The following PDE3A variants were observed in gnomAD, a reference collection of about 807,000 sequenced individuals.
The protein encoded by PDE3A is phosphodiesterase 3A.
PDE3A carries 43 observed loss-of-function variants against 98.3 expected under a neutral mutation model. The observed-to-expected ratio is 0.44, with a 90% CI of 0.34 to 0.56. The LOEUF (loss-of-function observed/expected upper bound fraction) is 0.56. Ranked by LOEUF, PDE3A falls within the 20% of genes least tolerant of loss-of-function variation. The probability of loss-of-function intolerance (pLI) is 0.01; values close to 1 mark genes in which losing one functional copy is unlikely to be tolerated. For synonymous variants in PDE3A, 663 were observed against 567.9 expected (o/e 1.17, Z -2.38); for missense variants, 1,427 against 1,440.7 (o/e 0.99, Z 0.15).
intron 1 of PDE3A, among the ~76,000 whole-genome samples, chr12:20,500,917 G>T (rs759625768): frequency 2.0e-5 from 3 of 151,872 alleles, no homozygotes; most frequent in Non-Finnish European, 4.4e-5. Flanking sequence ...ACAAGTGTGC[G>T]CTACTATGCC....
At chr12:20,650,015 T>G (rs1462786150) in intron 13 of PDE3A, among the ~76,000 whole-genome samples, 3 of 152,188 alleles carry the variant, frequency 2.0e-5, no homozygotes, top group Admixed American at 6.5e-5. Context: ...TTTAAAATTT[T>G]CATTTTTGTA....
chr12:20,566,175 T>C (rs1381083571), intron 2 of PDE3A, among the ~76,000 whole-genome samples: 1 of 152,006 alleles, frequency 6.6e-6, no homozygotes, highest in Non-Finnish European at 1.5e-5. Flanking sequence ...ATTTTCTAGA[T>C]CACAGAACTT....
chr12:20,481,162 G>A (rs538334758), intron 1 of PDE3A, among the ~76,000 whole-genome samples: 66 of 152,296 alleles, frequency 4.3e-4, no homozygotes, highest in African/African-American at 1.5e-3. Context: ...AGTAGATACA[G>A]CATATATGTT....
chr12:20,524,997 T>C (rs1205699146), intron 1 of PDE3A, among the ~76,000 whole-genome samples: 1 of 152,086 alleles, frequency 6.6e-6, no homozygotes, highest in Non-Finnish European at 1.5e-5. Context: ...CCAGACATGG[T>C]GGTGCATGCC....
intron 1 of PDE3A, among the ~76,000 whole-genome samples, chr12:20,490,373 G>T (rs927437708): frequency 3.3e-5 from 5 of 152,104 alleles, no homozygotes; most frequent in Non-Finnish European, 7.3e-5. Flanking sequence ...GTCTAGTGAT[G>T]AGGCAAAATT....
At chr12:20,616,168 T>C (rs1010122736) in intron 3 of PDE3A, 62 bp from the exon 4 acceptor site, 14 of 1,433,552 alleles carry the variant, frequency 9.8e-6, no homozygotes, top group African/African-American at 1.4e-5. Context: ...CCTTCTATTA[T>C]ATTACATAAA....
intron 1 of PDE3A, among the ~76,000 whole-genome samples, chr12:20,551,241 C>A (rs1942189063): frequency 6.6e-6 from 1 of 151,788 alleles, no homozygotes; most frequent in African/African-American, 2.4e-5. Context: ...CAGTTTTTTA[C>A]TAGGGTTGGG....
At chr12:20,581,929 A>G (rs563977540) in intron 2 of PDE3A, among the ~76,000 whole-genome samples, 16 of 152,286 alleles carry the variant, frequency 1.1e-4, no homozygotes, top group African/African-American at 3.8e-4. Context: ...GAACACCAGA[A>G]TTATAAAATT....
At position 20,376,329 on chromosome 12, in the gene PDE3A, C is replaced by T. The variant is rs137934675; in HGVS notation, c.960+6085C>T. 7.6e-3 allele frequency among the ~76,000 whole-genome samples: 1,156 copies of T among 151,960 alleles called. 5 individuals are homozygous for T. The highest frequency in any genetic ancestry group is 0.024 in the Middle Eastern group (7 of 294). On this transcript the variant is annotated intron_variant, in intron 1 of 15. Transcript: ENST00000359062. The stretch of plus-strand genomic sequence containing the variant: ...TTTGTCCATTTCCTCTTTGACTTGA[C>T]TGTGCTACTGAGGAAACAGTAGGAA...
At chr12:20,431,794 C>G (rs1944703312) in intron 1 of PDE3A, among the ~76,000 whole-genome samples, 1 of 151,994 alleles carries the variant, frequency 6.6e-6, no homozygotes, top group Admixed American at 6.6e-5. Context: ...TAACTATGCG[C>G]CTTATCTCAA....
At chr12:20,580,485 A>G (rs1943037484) in intron 2 of PDE3A, among the ~76,000 whole-genome samples, 1 of 152,198 alleles carries the variant, frequency 6.6e-6, no homozygotes, top group Non-Finnish European at 1.5e-5. Flanking sequence ...TTGGGGTGGA[A>G]GAGAAGAAAA....
In PDE3A at chr12:20,637,106, C is replaced by G. The variant is rs1183209014; in HGVS notation, c.2008C>G (p.Pro670Ala). 6.2e-7 allele frequency: 1 copy of G among 1,604,966 alleles called. No individual in the cohort carries two copies. The highest frequency in any genetic ancestry group is 2.3e-5 in the East Asian group (1 of 44,426). ...TTAATGTTAAACATTACAGGACAAACCAATTCTTGCTCCCGAACCTCTTGT... is the reference window on the plus strand; with the variant it reads ...TTAATGTTAAACATTACAGGACAAAGCAATTCTTGCTCCCGAACCTCTTGT... ...APETMMFLDK[P>A]ILAPEPLVMD... is the part of the protein sequence containing the mutation. Residue 670 changes from proline (P) to alanine (A), a missense_variant, in exon 9 of 16, where the codon CCA becomes GCA. Around this residue, in one of 3 missense-constraint regions of PDE3A, gnomAD observed 1,012 missense variants for 886.5 expected, o/e 1.14. Transcript: ENST00000359062.
intron 2 of PDE3A, among the ~76,000 whole-genome samples, chr12:20,568,804 A>G (rs954285564): frequency 6.6e-6 from 1 of 151,986 alleles, no homozygotes; most frequent in African/African-American, 2.4e-5. Context: ...TTATTTTACT[A>G]TGTTTGACCT....
At chr12:20,472,746 A>G (rs1273322431) in intron 1 of PDE3A, among the ~76,000 whole-genome samples, 1 of 152,208 alleles carries the variant, frequency 6.6e-6, no homozygotes, top group East Asian at 1.9e-4. Context: ...GTAACTTTTA[A>G]TCTCATTTTG....
At chr12:20,669,031 C>T (rs1945397655) in intron 15 of PDE3A, among the ~76,000 whole-genome samples, 2 of 151,208 alleles carry the variant, frequency 1.3e-5, no homozygotes, top group Non-Finnish European at 2.9e-5. Flanking sequence ...AAAACCAAGG[C>T]TCGAGAACTA....
chr12:20,530,489 C>CT (rs35355077), intron 1 of PDE3A, among the ~76,000 whole-genome samples: 27,559 of 143,754 alleles, frequency 0.19, 3,178 homozygotes, highest in East Asian at 0.57. Context: ...CTATACAATA[C>CT]TTTTTTTTTT....
At chr12:20,592,414 T>A (rs1287822696) in intron 2 of PDE3A, among the ~76,000 whole-genome samples, 5 of 152,182 alleles carry the variant, frequency 3.3e-5, no homozygotes, top group African/African-American at 1.2e-4. Flanking sequence ...ATTATGTTTT[T>A]AAAAACTATA....
chr12:20,404,151 T>C (rs1434040752), intron 1 of PDE3A, among the ~76,000 whole-genome samples: 1 of 152,186 alleles, frequency 6.6e-6, no homozygotes, highest in Non-Finnish European at 1.5e-5. Context: ...TAAACTAAAA[T>C]AGAGCATAAT....
In PDE3A at chr12:20,681,866, AT is replaced by A. The variant is rs1466678868; in HGVS notation, c.*1596del. The A allele has an allele frequency of 1.9e-4, 29 of 152,252 alleles. No individual in the cohort carries two copies. The highest frequency in any genetic ancestry group is 6.7e-4 in the African/African-American group (28 of 41,560). 9.4% of individuals were successfully genotyped at this position (152,252 alleles called of 1,614,324 possible). A position where few individuals can be genotyped will look rare whatever the true frequency, so the allele number is the denominator to read the frequency against. ...TGTCATGATAGTTATCTTGATGTAA[AT>A]ATGAAGATTTTTTTGTTTCTGTAGA... is the stretch of plus-strand genomic sequence containing the variant. On this transcript the variant is annotated 3_prime_UTR_variant, in exon 16 of 16. Transcript: ENST00000359062.
Sources: gnomAD v4.1 joint callset for allele counts (sites outside exome capture counted in the v4.1 genomes callset) on GRCh38, gnomAD v4.1.1 for gene constraint, gnomAD v4.1.1 regional missense constraint, MANE v1.5 for transcripts, NCBI Gene and HGNC (gene_info 2026-07-23, HGNC 2026-07-21) for gene names.